RAD51B: variants seen among roughly 807,000 people sequenced by gnomAD.
The protein encoded by RAD51B is DNA repair protein RAD51 homolog 2.
RAD51B carries 38 observed loss-of-function variants against 42.2 expected under a neutral mutation model. That is an observed-to-expected ratio of 0.90 (90% CI 0.70 to 1.18). RAD51B has a LOEUF of 1.18. RAD51B is among the 50% of genes most tolerant of loss of function. The pLI is 0.00. For synonymous variants in RAD51B, 154 were observed against 145.2 expected (o/e 1.06, Z -0.43); for missense variants, 373 against 400.7 (o/e 0.93, Z 0.59).
intron 7 of RAD51B, among the ~76,000 whole-genome samples, chr14:68,159,436 A>G (rs1339034564): frequency 1.3e-5 from 2 of 152,110 alleles, no homozygotes; most frequent in Non-Finnish European, 2.9e-5. Flanking sequence ...CCTGACCAAC[A>G]TGGTGAAACC....
intron 7 of RAD51B, among the ~76,000 whole-genome samples, chr14:68,026,119 G>A (rs1217277090): frequency 6.6e-6 from 1 of 152,028 alleles, no homozygotes; most frequent in East Asian, 1.9e-4. Flanking sequence ...ACTTATTCAG[G>A]AGCAAGTTGT....
chr14:67,965,799 G>A (rs77961177), intron 7 of RAD51B, among the ~76,000 whole-genome samples: 1 of 152,026 alleles, frequency 6.6e-6, no homozygotes, highest in Non-Finnish European at 1.5e-5. Flanking sequence ...ACTCTTGCTT[G>A]TATAGAGGAA....
At chr14:68,562,258 G>T in intron 10 of RAD51B, 2 of 985,256 alleles carry the variant, frequency 2.0e-6, no homozygotes, top group South Asian at 4.7e-5. Context: ...CTCAACAGGT[G>T]GGGGCCAGAT....
intron 7 of RAD51B, among the ~76,000 whole-genome samples, chr14:67,904,307 T>C (rs2043708390): frequency 6.6e-6 from 1 of 152,054 alleles, no homozygotes; most frequent in Admixed American, 6.6e-5. Context: ...AGTTCTAAGT[T>C]CTTCGAAAGA....
chr14:68,497,356 A>C, intron 10 of RAD51B: 1 of 1,230,586 alleles, frequency 8.1e-7, no homozygotes, highest in Admixed American at 3.9e-5. Context: ...AATCTGCATC[A>C]TAAGCTGATT....
At chr14:68,524,259 A>C (rs565924750) in intron 10 of RAD51B, among the ~76,000 whole-genome samples, 2 of 152,380 alleles carry the variant, frequency 1.3e-5, no homozygotes, top group African/African-American at 4.8e-5. Context: ...TGAGCTATGC[A>C]TGTCAAAAGT....
At chr14:68,651,916 G>A (rs911715615) in intron 11 of RAD51B, among the ~76,000 whole-genome samples, 3 of 152,166 alleles carry the variant, frequency 2.0e-5, no homozygotes, top group African/African-American at 7.2e-5. Flanking sequence ...TCTTGGTGCT[G>A]TGGTAGACAG....
At chr14:68,077,731 G>A (rs185373986) in intron 7 of RAD51B, among the ~76,000 whole-genome samples, 2 of 152,168 alleles carry the variant, frequency 1.3e-5, no homozygotes, top group African/African-American at 2.4e-5. Flanking sequence ...CAAGGTGGGC[G>A]GATCACCTGA....
chr14:68,106,648 T>G (rs1174897021), intron 7 of RAD51B, among the ~76,000 whole-genome samples: 1 of 151,978 alleles, frequency 6.6e-6, no homozygotes, highest in Non-Finnish European at 1.5e-5. Flanking sequence ...ATGGTAGCAC[T>G]GTGATTCAGC....
chr14:67,950,258 G>A (rs77698707), intron 7 of RAD51B, among the ~76,000 whole-genome samples: 125 of 152,310 alleles, frequency 8.2e-4, no homozygotes, highest in African/African-American at 2.1e-3. Flanking sequence ...AAAATCTGTC[G>A]TTCAGGATAG....
intron 3 of RAD51B, among the ~76,000 whole-genome samples, chr14:67,830,440 T>G (rs2040997198): frequency 3.3e-5 from 5 of 152,148 alleles, no homozygotes. Context: ...CTCGCACTGT[T>G]GCCCAGGCTG....
chr14:68,394,939 C>T (rs139252453), intron 8 of RAD51B, among the ~76,000 whole-genome samples: 28 of 152,274 alleles, frequency 1.8e-4, no homozygotes, highest in Non-Finnish European at 3.7e-4. Context: ...TGAGCCTCAG[C>T]GCCAGTGCCC....
At chr14:68,443,095 A>G (rs778685530) in intron 9 of RAD51B, among the ~76,000 whole-genome samples, 28 of 152,294 alleles carry the variant, frequency 1.8e-4, no homozygotes, top group African/African-American at 6.7e-4. Context: ...TTTCCTCCTC[A>G]ATAACAGTGA....
chr14:68,080,040 C>T (rs2076890165), intron 7 of RAD51B, among the ~76,000 whole-genome samples: 2 of 152,170 alleles, frequency 1.3e-5, no homozygotes, highest in African/African-American at 2.4e-5. Flanking sequence ...AAAACAGGGC[C>T]TTCTGTGATG....
chr14:67,949,273 C>G (rs1386287353), intron 7 of RAD51B, among the ~76,000 whole-genome samples: 1 of 152,162 alleles, frequency 6.6e-6, no homozygotes, highest in African/African-American at 2.4e-5. Flanking sequence ...GGGATCAGTC[C>G]TCTGAAACCC....
At chr14:68,236,234 A>C (rs2080253874) in intron 7 of RAD51B, 1 of 152,252 alleles carries the variant, frequency 6.6e-6, no homozygotes, top group Non-Finnish European at 1.5e-5. Context: ...TTAATTAATT[A>C]AACAAATAAG....
At position 68,395,056 on chromosome 14, in the gene RAD51B, C is replaced by A. The variant is rs146087627; in HGVS notation, c.854-16368C>A. On this transcript the variant is annotated intron_variant, in intron 8 of 10. Coordinates refer to ENST00000471583, the MANE Select transcript of RAD51B (RefSeq NM_133510.4). The stretch of plus-strand genomic sequence containing the variant: ...ACAGCAAGATCTGTCGGCATCCCCC[C>A]CTTTCTTCAGGCTTTGAGGGCCACA... Among the ~76,000 whole-genome samples, 223 of 152,300 alleles carry A rather than the reference C, an allele frequency of 1.5e-3. 2 individuals carry two copies. Among genetic ancestry groups the A allele is most frequent in the South Asian group, 0.01 (50 of 4,828 alleles).
intron 7 of RAD51B, among the ~76,000 whole-genome samples, chr14:68,052,470 G>A (rs1280856633): frequency 6.6e-6 from 1 of 151,494 alleles, no homozygotes; most frequent in African/African-American, 2.4e-5. Flanking sequence ...CCCTGGAGTT[G>A]GTCCCATTAC....
intron 9 of RAD51B, among the ~76,000 whole-genome samples, chr14:68,413,214 C>G (rs2084464239): frequency 6.6e-6 from 1 of 152,146 alleles, no homozygotes; most frequent in South Asian, 2.1e-4. Context: ...CAGGAAGTAG[C>G]TGGTAGGACA....
Sources: gnomAD v4.1 joint callset for allele counts (sites outside exome capture counted in the v4.1 genomes callset) on GRCh38, gnomAD v4.1.1 for gene constraint, MANE v1.5 for transcripts, NCBI Gene and HGNC (gene_info 2026-07-23, HGNC 2026-07-21) for gene names.